Variants in CDH22 observed in about 807,000 individuals in gnomAD.
CDH22 encodes cadherin-22.
In CDH22, 30 loss-of-function variants were observed where a neutral mutation model predicts 58.4. That is an observed-to-expected ratio of 0.51 (90% CI 0.38 to 0.70). The LOEUF is 0.70. CDH22 is among the 30% of genes least tolerant of loss of function. The pLI is 0.00. For missense variants in CDH22, 1,014 were observed against 1,233.9 expected, an observed-to-expected ratio of 0.82 and a Z score of 2.67; for synonymous variants, 513 against 558.2, an observed-to-expected ratio of 0.92 and a Z score of 1.14.
intron 4 of CDH22, among the ~76,000 whole-genome samples, chr20:46,223,435 G>C (rs1430041260): frequency 1.3e-5 from 2 of 152,066 alleles, no homozygotes; most frequent in Admixed American, 6.5e-5. Context: ...ATGCATGAAG[G>C]CTTCCTCATC....
intron 1 of CDH22, among the ~76,000 whole-genome samples, chr20:46,257,519 T>C (rs992607200): frequency 1.1e-4 from 17 of 152,158 alleles, no homozygotes; most frequent in Non-Finnish European, 1.8e-4. Flanking sequence ...AGTGTGACCA[T>C]GCCCTCAGCC....
intron 1 of CDH22, among the ~76,000 whole-genome samples, chr20:46,305,217 G>A (rs2086669445): frequency 6.6e-6 from 1 of 152,232 alleles, no homozygotes; most frequent in Non-Finnish European, 1.5e-5. Context: ...GTCCTATCAT[G>A]CCCACTGCCC....
chr20:46,263,117 C>A (rs1226035294), intron 1 of CDH22, among the ~76,000 whole-genome samples: 1 of 152,208 alleles, frequency 6.6e-6, no homozygotes, highest in Non-Finnish European at 1.5e-5. Flanking sequence ...GTGCTTCATT[C>A]TTGCTCTCTG....
chr20:46,230,029 TA>T (rs1032568589), intron 3 of CDH22, among the ~76,000 whole-genome samples: 2 of 152,004 alleles, frequency 1.3e-5, no homozygotes, highest in Admixed American at 6.6e-5. Context: ...GTGGGAATGG[TA>T]AAGGGTCAGT....
chr20:46,229,784 G>C (rs73295831), intron 3 of CDH22, among the ~76,000 whole-genome samples: 5,964 of 152,140 alleles, frequency 0.039, 261 homozygotes, highest in African/African-American at 0.11. Context: ...CTTATGGTGG[G>C]TGCACAATAT....
intron 4 of CDH22, among the ~76,000 whole-genome samples, chr20:46,224,177 C>T (rs1331022912): frequency 1.4e-4 from 21 of 152,148 alleles, no homozygotes. Flanking sequence ...TAAGTCCTTC[C>T]TCTGCATTAG....
chr20:46,232,458 G>C lies in CDH22; in HGVS notation c.551-4831C>G, dbSNP rs150460945. On this transcript the variant is annotated intron_variant, in intron 3 of 11. Coordinates refer to ENST00000537909, the MANE Select transcript of CDH22 (RefSeq NM_021248.3). ...GTGGGAGACCCCTTAATGAGAGAAA[G>C]AGATGAAGCACTTTGGAAAAGAACA... Among the ~76,000 whole-genome samples, 637 of 152,242 alleles carry C rather than the reference G, an allele frequency of 4.2e-3. 4 individuals are homozygous for C. The highest frequency in any genetic ancestry group is 0.014 in the African/African-American group (590 of 41,528).
intron 1 of CDH22, among the ~76,000 whole-genome samples, chr20:46,256,551 A>C (rs2086407599): frequency 6.6e-6 from 1 of 152,076 alleles, no homozygotes. Flanking sequence ...GTGTTGCTGA[A>C]GTGGAGTGAG....
At position 46,216,548 on chromosome 20, in the gene CDH22, C is replaced by A. The variant is rs2086086499; in HGVS notation, c.838+278G>T. 9.9e-5 allele frequency among the ~76,000 whole-genome samples: 15 copies of A among 152,110 alleles called. No homozygotes were observed. ...GGAAGGGTGGATGGGTGGGGCTCCC[C>A]CTCTGCCGGAAGCAAGAGGAGGTCT... On this transcript the variant is annotated intron_variant, in intron 5 of 11. Transcript: ENST00000537909. This position sits in a 1 kb window ranked among gnomAD's most constrained non-coding sequence, Gnocchi z 5.3.
chr20:46,250,204 TTTCA>T (rs3091437), intron 2 of CDH22, among the ~76,000 whole-genome samples: 1 of 151,816 alleles, frequency 6.6e-6, no homozygotes. Context: ...GAGAAAGTAG[TTTCA>T]TTCATTCATT....
At chr20:46,250,913 G>T in intron 2 of CDH22, 127 bp downstream of exon 2, 1 of 622,424 alleles carries the variant, frequency 1.6e-6, no homozygotes, top group Non-Finnish European at 2.8e-6. Context: ...ATCAGTCCTT[G>T]GCTAGGGAGC....
chr20:46,265,714 C>T (rs1297075111), intron 1 of CDH22, among the ~76,000 whole-genome samples: 3 of 152,178 alleles, frequency 2.0e-5, no homozygotes, highest in Non-Finnish European at 2.9e-5. Context: ...GCATGTGTTC[C>T]TTTTCACTGC....
chr20:46,210,151 T>C lies in CDH22; in HGVS notation c.1286+156A>G. 1.4e-6 allele frequency: 1 copy of C among 713,880 alleles called. No individual in the cohort carries two copies. The highest frequency in any genetic ancestry group is 2.8e-5 in the South Asian group (1 of 35,880). The allele number at this position is 713,880 out of a possible 1,614,324, so 44.2% of individuals were successfully genotyped here. On this transcript the variant is annotated intron_variant, in intron 7 of 11. Coordinates refer to ENST00000537909, the MANE Select transcript of CDH22 (RefSeq NM_021248.3). This position sits in a 1 kb window ranked among gnomAD's most constrained non-coding sequence, Gnocchi z 4.5. The stretch of plus-strand genomic sequence containing the variant: ...CTCTTTGGCTCCGTGCCTGTTTCTC[T>C]CCACCCGTGCGCCTCTCTCCGCGCC...
chr20:46,175,201 G>T, intron 11 of CDH22, 124 bp from the exon 12 acceptor site: 1 of 873,076 alleles, frequency 1.1e-6, no homozygotes, highest in Non-Finnish European at 1.7e-6. Flanking sequence ...CATTCCTACA[G>T]ATTTCCTGGA....
At chr20:46,230,997 G>A (rs1459886554) in intron 3 of CDH22, among the ~76,000 whole-genome samples, 1 of 152,184 alleles carries the variant, frequency 6.6e-6, no homozygotes, top group East Asian at 1.9e-4. Context: ...GTGAGACAGA[G>A]AGAGGGAGGA....
At chr20:46,288,488 C>T (rs2086585946) in intron 1 of CDH22, among the ~76,000 whole-genome samples, 1 of 152,158 alleles carries the variant, frequency 6.6e-6, no homozygotes, top group Non-Finnish European at 1.5e-5. Flanking sequence ...ATATGTGTGT[C>T]CAACTCAGAT....
chr20:46,302,909 C>G (rs1182619167), intron 1 of CDH22, among the ~76,000 whole-genome samples: 1 of 152,196 alleles, frequency 6.6e-6, no homozygotes, highest in Non-Finnish European at 1.5e-5. Flanking sequence ...TTAGCCCTGT[C>G]CATTCCACTC....
intron 7 of CDH22, among the ~76,000 whole-genome samples, chr20:46,205,071 C>T (rs748756096): frequency 6.6e-6 from 1 of 152,014 alleles, no homozygotes; most frequent in Admixed American, 6.6e-5. Context: ...GCCTCCTGCT[C>T]CACTGTCCCA....
At position 46,221,709 on chromosome 20, in the gene CDH22, C is replaced by T. The variant is rs79587180; in HGVS notation, c.671-4716G>A. ...TGGCAAAGTCACATTAGTAAGCAGC[C>T]GTGTGCAGGGCGGGGAGGAATTGAT... is the stretch of plus-strand genomic sequence containing the variant. On this transcript the variant is annotated intron_variant, in intron 4 of 11. Transcript: ENST00000537909. 9.3e-3 allele frequency among the ~76,000 whole-genome samples: 1,422 copies of T among 152,230 alleles called. 19 individuals are homozygous for T. The highest frequency in any genetic ancestry group is 0.03 in the Admixed American group (453 of 15,282).
Sources: gnomAD v4.1 joint callset for allele counts (sites outside exome capture counted in the v4.1 genomes callset) on GRCh38, gnomAD v4.1.1 for gene constraint, Gnocchi (gnomAD v3.1) non-coding constraint, MANE v1.5 for transcripts, NCBI Gene and HGNC (gene_info 2026-07-23, HGNC 2026-07-21) for gene names.